Variants in KLF7 observed in about 807,000 individuals in gnomAD.
KLF7 encodes Krueppel-like factor 7.
In KLF7, 2 loss-of-function variants were observed where a neutral mutation model predicts 27.3. The observed-to-expected ratio is 0.07, with a 90% CI of 0.03 to 0.23. KLF7 has a LOEUF of 0.23. Ranked by LOEUF, KLF7 falls within the 10% of genes least tolerant of loss-of-function variation. KLF7 has a pLI of 1.00. For missense variants in KLF7, 221 were observed against 394.1 expected, an observed-to-expected ratio of 0.56 and a Z score of 3.72; for synonymous variants, 165 against 162.4, an observed-to-expected ratio of 1.02 and a Z score of -0.12.
intron 2 of KLF7, among the ~76,000 whole-genome samples, chr2:207,097,756 G>T (rs780074615): frequency 6.6e-6 from 1 of 152,190 alleles, no homozygotes; most frequent in African/African-American, 2.4e-5. Context: ...GAAAATTAAA[G>T]AATTTTTGTA....
chr2:207,114,880 T>C (rs1291802443), intron 2 of KLF7, among the ~76,000 whole-genome samples: 1 of 152,170 alleles, frequency 6.6e-6, no homozygotes, highest in Non-Finnish European at 1.5e-5. Context: ...GTGAAACAGA[T>C]AAAACTATGC....
At chr2:207,095,031 CTTTTTTTTTTTTT>C (rs36091471) in intron 2 of KLF7, among the ~76,000 whole-genome samples, 1 of 82,418 alleles carries the variant, frequency 1.2e-5, no homozygotes, top group Non-Finnish European at 2.2e-5. Flanking sequence ...TGTTTTTATT[CTTTTTTTTTTTTT>C]TTTTTTTTTT....
chr2:207,112,523 G>C (rs2077065855), intron 2 of KLF7, among the ~76,000 whole-genome samples: 1 of 152,224 alleles, frequency 6.6e-6, no homozygotes, highest in Non-Finnish European at 1.5e-5. Context: ...ACAGCCATTA[G>C]TGTCAAATAA....
chr2:207,105,213 C>T (rs2076854321), intron 2 of KLF7, among the ~76,000 whole-genome samples: 1 of 152,236 alleles, frequency 6.6e-6, no homozygotes, highest in African/African-American at 2.4e-5. Context: ...TTAACCCGCA[C>T]CTCAGTGTGA....
intron 1 of KLF7, among the ~76,000 whole-genome samples, chr2:207,135,726 A>G (rs1425146386): frequency 2.0e-5 from 3 of 152,184 alleles, no homozygotes; most frequent in African/African-American, 7.2e-5. Flanking sequence ...AGCAGTGTGC[A>G]TGTGTTTATT....
rs144381206 is a variant in KLF7, at chr2:207,140,079, G to A, written c.103-15675C>T. ...AATTTTTGTATTTTTAGTAGAGATG[G>A]GGTTTCACCATGTTGGCCAAGATGG... On this transcript the variant is annotated intron_variant, in intron 1 of 3. Coordinates refer to ENST00000309446, the MANE Select transcript of KLF7 (RefSeq NM_003709.4). Among the ~76,000 whole-genome samples, 724 of 152,180 alleles carry A rather than the reference G, an allele frequency of 4.8e-3. 2 individuals carry two copies. Among genetic ancestry groups the A allele is most frequent in the Non-Finnish European group, 7.4e-3 (505 of 68,020 alleles).
intron 1 of KLF7, among the ~76,000 whole-genome samples, chr2:207,132,798 G>T (rs930885976): frequency 6.6e-6 from 1 of 152,206 alleles, no homozygotes; most frequent in Non-Finnish European, 1.5e-5. Flanking sequence ...GAAGGCACTG[G>T]GTTCCCCTAC....
At chr2:207,090,914 G>A (rs745655530) in intron 2 of KLF7, among the ~76,000 whole-genome samples, 49 of 152,170 alleles carry the variant, frequency 3.2e-4, no homozygotes, top group Non-Finnish European at 6.2e-4. Context: ...AGGCACCTAA[G>A]ACTTTGGAAA....
At chr2:207,103,168 T>C (rs908507369) in intron 2 of KLF7, among the ~76,000 whole-genome samples, 1 of 152,200 alleles carries the variant, frequency 6.6e-6, no homozygotes, top group African/African-American at 2.4e-5. Flanking sequence ...CCTCAGGTGA[T>C]CCACCTGTCT....
intron 1 of KLF7, among the ~76,000 whole-genome samples, chr2:207,133,010 C>T (rs143782124): frequency 1.3e-5 from 2 of 152,200 alleles, no homozygotes; most frequent in African/African-American, 4.8e-5. Flanking sequence ...TTGCAGAGAG[C>T]CCTTAAGAAG....
chr2:207,120,133 G>A (rs973475536), intron 2 of KLF7, among the ~76,000 whole-genome samples: 9 of 152,122 alleles, frequency 5.9e-5, no homozygotes, highest in Admixed American at 2.0e-4. Flanking sequence ...GGCAACCTGC[G>A]TTTGTGCCCT....
At chr2:207,148,101 T>C (rs1279174618) in intron 1 of KLF7, among the ~76,000 whole-genome samples, 1 of 152,198 alleles carries the variant, frequency 6.6e-6, no homozygotes, top group Non-Finnish European at 1.5e-5. Flanking sequence ...GTCTGTCCAA[T>C]TCATGATCTC....
intron 1 of KLF7, chr2:207,134,199 C>A (rs1338456678): frequency 7.8e-7 from 1 of 1,274,292 alleles, no homozygotes; most frequent in African/African-American, 1.6e-5. Flanking sequence ...TTCATTGGCT[C>A]CTTCCTGGAA....
upstream of KLF7, chr2:207,167,278 G>A: frequency 2.8e-6 from 2 of 715,578 alleles, no homozygotes; most frequent in Middle Eastern, 2.7e-4. Context: ...TCACGTTAGG[G>A]TTGGCCAATT....
intron 1 of KLF7, among the ~76,000 whole-genome samples, chr2:207,143,828 T>C (rs773010773): frequency 1.3e-5 from 2 of 151,932 alleles, no homozygotes; most frequent in Non-Finnish European, 2.9e-5. Flanking sequence ...GCTTCCAGAT[T>C]CAAAACAAAA....
rs955756752 is a variant in KLF7, at chr2:207,165,798, C to T, written c.-230G>A. The T allele has an allele frequency of 9.0e-5, 128 of 1,417,454 alleles. No homozygotes were observed. Among genetic ancestry groups the T allele is most frequent in the Non-Finnish European group, 1.2e-4 (126 of 1,090,204 alleles). 87.8% of individuals were successfully genotyped at this position (1,417,454 alleles called of 1,614,324 possible). On this transcript the variant is annotated 5_prime_UTR_variant, in exon 1 of 4. Transcript: ENST00000309446. ...GGGGTGGATGGAGAGAGGCATCCAG[C>T]GTGTACAGTGCAGACGACTGCCAGG...
rs1295792484 is a variant in KLF7, at chr2:207,079,395, G to A, written c.*1818C>T. The A allele has an allele frequency of 6.6e-6, 1 of 152,260 alleles. No homozygotes were observed. Among genetic ancestry groups the A allele is most frequent in the Non-Finnish European group, 1.5e-5 (1 of 68,078 alleles). 9.4% of individuals were successfully genotyped at this position (152,260 alleles called of 1,614,324 possible). A position where few individuals can be genotyped will look rare whatever the true frequency, so the allele number is the denominator to read the frequency against. The stretch of plus-strand genomic sequence containing the variant: ...TCAATGAGTCAAACAGTCAAAGGAG[G>A]ACAGGAGGGGAGCCAGCTGGTAGGA... On this transcript the variant is annotated 3_prime_UTR_variant, in exon 4 of 4. Coordinates refer to ENST00000309446, the MANE Select transcript of KLF7 (RefSeq NM_003709.4).
At chr2:207,098,732 C>A (rs1043996776) in intron 2 of KLF7, among the ~76,000 whole-genome samples, 1 of 151,078 alleles carries the variant, frequency 6.6e-6, no homozygotes, top group Non-Finnish European at 1.5e-5. Context: ...GTTCAGCCTC[C>A]CAAAGTAGCT....
chr2:207,096,505 C>T (rs1276431817), intron 2 of KLF7, among the ~76,000 whole-genome samples: 1 of 152,092 alleles, frequency 6.6e-6, no homozygotes, highest in Non-Finnish European at 1.5e-5. Context: ...AGCTGAGATA[C>T]GAAGGAGGAG....
Sources: gnomAD v4.1 joint callset for allele counts (sites outside exome capture counted in the v4.1 genomes callset) on GRCh38, gnomAD v4.1.1 for gene constraint, MANE v1.5 for transcripts, NCBI Gene and HGNC (gene_info 2026-07-23, HGNC 2026-07-21) for gene names.